The following RABEP1 variants were observed in gnomAD, a reference collection of about 807,000 sequenced individuals.
The protein encoded by RABEP1 is rabaptin, RAB GTPase binding effector protein 1.
A neutral mutation model predicts 123.4 loss-of-function variants in RABEP1; 51 were observed. The observed-to-expected ratio is 0.41, with a 90% confidence interval of 0.33 to 0.52. The LOEUF (loss-of-function observed/expected upper bound fraction) is 0.52, where lower values mean the gene tolerates loss of function less well. RABEP1 is among the 20% of genes least tolerant of loss of function. RABEP1 has a pLI of 0.16. For synonymous variants in RABEP1, 347 were observed against 355.2 expected (o/e 0.98, Z 0.26); for missense variants, 888 against 996.3 (o/e 0.89, Z 1.46).
rs190236541 is a variant in RABEP1 at position 5,330,750 on chromosome 17, C to G, written c.164-1199C>G. ...AAAAGGCGTAAGTTAAGGCCGGGCG[C>G]GGTGGCTCACACCTGTAATCCCAAC... On this transcript the variant is annotated intron_variant, in intron 2 of 17. Transcript: ENST00000537505. Among the ~76,000 whole-genome samples, 15 of 152,018 alleles carry G rather than the reference C, an allele frequency of 9.9e-5. No individual in the cohort carries two copies. The South Asian group carries it at 1.2e-3, about 13-fold the overall frequency.
At chr17:5,298,333 C>T (rs535974351) in intron 1 of RABEP1, among the ~76,000 whole-genome samples, 8 of 152,040 alleles carry the variant, frequency 5.3e-5, no homozygotes, top group African/African-American at 1.7e-4. Context: ...GAATTTGATT[C>T]GTTTTACGGT....
chr17:5,290,679 GC>G (rs2075024722), intron 1 of RABEP1, among the ~76,000 whole-genome samples: 1 of 151,914 alleles, frequency 6.6e-6, no homozygotes, highest in African/African-American at 2.4e-5. Context: ...TGCAACCTTG[GC>G]CTCCCGGGTT....
At chr17:5,344,649 G>A (rs1292612588) in intron 5 of RABEP1, among the ~76,000 whole-genome samples, 2 of 149,614 alleles carry the variant, frequency 1.3e-5, no homozygotes, top group Middle Eastern at 3.3e-3. Flanking sequence ...GCGGGCACCT[G>A]TAGTCCCAGC....
At chr17:5,336,325 A>G (rs180965050) in intron 4 of RABEP1, among the ~76,000 whole-genome samples, 96 of 152,278 alleles carry the variant, frequency 6.3e-4, no homozygotes, top group African/African-American at 2.2e-3. Flanking sequence ...CAGAGTTCCT[A>G]TATACTCCAT....
chr17:5,305,641 A>G (rs929317448), intron 1 of RABEP1, among the ~76,000 whole-genome samples: 1 of 152,126 alleles, frequency 6.6e-6, no homozygotes, highest in Non-Finnish European at 1.5e-5. Flanking sequence ...TCTTTCCTTG[A>G]TTCCCCAGAG....
chr17:5,380,462 G>A lies in RABEP1; in HGVS notation c.2370G>A (p.Lys790=). 1 of 1,532,818 alleles carries A rather than the reference G, an allele frequency of 6.5e-7. No homozygotes were observed. The highest frequency in any genetic ancestry group is 8.9e-7 in the Non-Finnish European group (1 of 1,128,042). 95.0% of individuals were successfully genotyped at this position (1,532,818 alleles called of 1,614,324 possible). A position where few individuals can be genotyped will look rare whatever the true frequency, so the allele number is the denominator to read the frequency against. Reference sequence around the variant, plus strand: ...AGTTAAAGAAAGAGACTGCTGCTAAGGTAGTGTTTTCATTAGTCATTTAAT... The same window carrying A: ...AGTTAAAGAAAGAGACTGCTGCTAAAGTAGTGTTTTCATTAGTCATTTAAT... ...EEQLKKETAA[K]ATVEQLMFEE... The change falls in exon 16 of 18, where the codon AAG becomes AAA. Residue 790 remains lysine (K), a splice_region_variant and synonymous_variant. Transcript: ENST00000537505.
chr17:5,371,327 T>G (rs890535746), intron 12 of RABEP1: 2 of 152,348 alleles, frequency 1.3e-5, no homozygotes, highest in South Asian at 4.1e-4. Context: ...ATTTTGAATA[T>G]GTAACATGGT....
chr17:5,299,128 G>C (rs567455485), intron 1 of RABEP1, among the ~76,000 whole-genome samples: 72 of 152,260 alleles, frequency 4.7e-4, no homozygotes, highest in African/African-American at 1.6e-3. Context: ...GTGTGTGGAG[G>C]GGGTGTGGTG....
At chr17:5,352,407 G>T (rs1380755205) in intron 7 of RABEP1, among the ~76,000 whole-genome samples, 1 of 151,422 alleles carries the variant, frequency 6.6e-6, no homozygotes, top group African/African-American at 2.4e-5. Context: ...TGCCCAGGCT[G>T]GTCTCAAACT....
chr17:5,375,264 C>A (rs953799344), intron 13 of RABEP1, among the ~76,000 whole-genome samples: 1 of 152,016 alleles, frequency 6.6e-6, no homozygotes, highest in African/African-American at 2.4e-5. Context: ...TTACAAAAAA[C>A]CAGTTGCCTA....
intron 11 of RABEP1, among the ~76,000 whole-genome samples, chr17:5,367,549 G>A (rs371291734): frequency 0.013 from 1,876 of 149,230 alleles, 59 homozygotes; most frequent in East Asian, 0.08. Flanking sequence ...GATTACAGGC[G>A]TGAGTCACCG....
intron 14 of RABEP1, among the ~76,000 whole-genome samples, chr17:5,377,549 G>A (rs1216799010): frequency 1.6e-5 from 2 of 128,116 alleles, no homozygotes. Flanking sequence ...TTTTTGAGAC[G>A]GAGTTTCATT....
intron 2 of RABEP1, 78 bp downstream of exon 2, chr17:5,308,900 T>A: frequency 6.1e-6 from 8 of 1,319,728 alleles, no homozygotes; most frequent in South Asian, 1.6e-5. Flanking sequence ...TAGTGTTAAT[T>A]TTATCATTGA....
chr17:5,313,553 C>T (rs892246597), intron 2 of RABEP1, among the ~76,000 whole-genome samples: 8 of 152,112 alleles, frequency 5.3e-5, no homozygotes, highest in Admixed American at 5.2e-4. Context: ...GACTAAGAAC[C>T]TCCCATTTCT....
rs1911663699 is a variant in RABEP1, at chr17:5,383,400, G to A, written c.*177G>A. On this transcript the variant is annotated 3_prime_UTR_variant, in exon 18 of 18. Coordinates refer to ENST00000537505, the MANE Select transcript of RABEP1 (RefSeq NM_004703.6). ...CGGCACAGGAAACAGCAAACAGTGG[G>A]GTGATCTGCAGCCCAGAGACCTTCA... The A allele has an allele frequency of 1.7e-6, 1 of 586,182 alleles. No homozygotes were observed. Among genetic ancestry groups the A allele is most frequent in the African/African-American group, 1.9e-5 (1 of 53,730 alleles). The allele number at this position is 586,182 out of a possible 1,614,324, so 36.3% of individuals were successfully genotyped here. A position where few individuals can be genotyped will look rare whatever the true frequency, so the allele number is the denominator to read the frequency against.
intron 2 of RABEP1, among the ~76,000 whole-genome samples, chr17:5,310,978 T>G (rs1414456530): frequency 6.6e-6 from 1 of 151,866 alleles, no homozygotes; most frequent in African/African-American, 2.4e-5. Flanking sequence ...CCCTGCTAAT[T>G]TTTGTATTTC....
At chr17:5,337,399 T>C (rs760063831) in intron 4 of RABEP1, among the ~76,000 whole-genome samples, 4 of 152,142 alleles carry the variant, frequency 2.6e-5, no homozygotes, top group Non-Finnish European at 4.4e-5. Flanking sequence ...AAATTATTTA[T>C]TATGGGCTGG....
At chr17:5,360,344 C>T (rs1597383579) in intron 8 of RABEP1, among the ~76,000 whole-genome samples, 1 of 152,326 alleles carries the variant, frequency 6.6e-6, no homozygotes, top group East Asian at 1.9e-4. Flanking sequence ...CGGGGGATCA[C>T]GAGGTCAGGA....
At chr17:5,342,980 C>G (rs141694870) in intron 5 of RABEP1, among the ~76,000 whole-genome samples, 182 of 152,264 alleles carry the variant, frequency 1.2e-3, no homozygotes, top group African/African-American at 4.0e-3. Context: ...CCCTTTTTGG[C>G]TGAGTGTGGT....
Sources: gnomAD v4.1 joint callset for allele counts (sites outside exome capture counted in the v4.1 genomes callset) on GRCh38, gnomAD v4.1.1 for gene constraint, MANE v1.5 for transcripts, NCBI Gene and HGNC (gene_info 2026-07-23, HGNC 2026-07-21) for gene names.